The following LNPEP variants were observed in gnomAD, a reference collection of about 807,000 sequenced individuals.
LNPEP encodes the protein leucyl-cystinyl aminopeptidase.
Under a neutral mutation model 120.6 loss-of-function variants are expected in LNPEP, and 64 were observed. The observed-to-expected ratio is 0.53, with a 90% CI of 0.43 to 0.65. The LOEUF is 0.65. Ranked by LOEUF, LNPEP falls within the 30% of genes least tolerant of loss-of-function variation. The pLI, the probability that LNPEP is intolerant of heterozygous loss-of-function variation, is 0.00. For synonymous variants in LNPEP, 435 were observed against 425.4 expected (o/e 1.02, Z -0.28); for missense variants, 1,057 against 1,200.0 (o/e 0.88, Z 1.76).
At chr5:96,969,057 C>G (rs1581992240) in intron 1 of LNPEP, among the ~76,000 whole-genome samples, 1 of 152,108 alleles carries the variant, frequency 6.6e-6, no homozygotes, top group Admixed American at 6.6e-5. Context: ...CAAAATGAGC[C>G]TCAGAATTGT....
At chr5:97,011,731 T>TTATTTAACTG (rs1790933506) in intron 11 of LNPEP, among the ~76,000 whole-genome samples, 1 of 152,230 alleles carries the variant, frequency 6.6e-6, no homozygotes, top group Non-Finnish European at 1.5e-5. Flanking sequence ...GGAATAAACC[T>TTATTTAACTG]TATTTAACTG....
intron 1 of LNPEP, chr5:96,936,378 G>A (rs988753094): frequency 3.7e-5 from 15 of 403,280 alleles, no homozygotes; most frequent in Non-Finnish European, 3.0e-5. Flanking sequence ...ACCCGGGGCT[G>A]GCTTGAAGGT....
At chr5:97,000,789 A>G (rs1182222621) in intron 8 of LNPEP, among the ~76,000 whole-genome samples, 1 of 152,226 alleles carries the variant, frequency 6.6e-6, no homozygotes, top group Non-Finnish European at 1.5e-5. Context: ...CATAGCAGTG[A>G]GTATGACTAT....
intron 11 of LNPEP, chr5:97,011,260 C>G (rs1394373121): frequency 2.2e-6 from 2 of 901,994 alleles, no homozygotes; most frequent in Non-Finnish European, 2.7e-6. Context: ...GGGTCCTGCT[C>G]TGTCACCCAG....
chr5:96,987,801 C>T (rs1020233366), intron 4 of LNPEP, among the ~76,000 whole-genome samples: 1 of 152,188 alleles, frequency 6.6e-6, no homozygotes, highest in African/African-American at 2.4e-5. Flanking sequence ...GATATTATAA[C>T]TGGCTTAAAT....
chr5:96,995,128 A>G, intron 6 of LNPEP, among the ~76,000 whole-genome samples: 1 of 152,172 alleles, frequency 6.6e-6, no homozygotes, highest in Non-Finnish European at 1.5e-5. Flanking sequence ...GGTCATATAG[A>G]TAAGATGTCT....
chr5:97,018,228 C>T (rs2112663051), intron 13 of LNPEP, among the ~76,000 whole-genome samples: 1 of 152,162 alleles, frequency 6.6e-6, no homozygotes, highest in South Asian at 2.1e-4. Context: ...TGAATATACC[C>T]TGTGAGGAGG....
chr5:96,989,324 A>G (rs1482271811), intron 4 of LNPEP, among the ~76,000 whole-genome samples: 2 of 21,516 alleles, frequency 9.3e-5, no homozygotes, highest in African/African-American at 3.5e-4. Flanking sequence ...TATATATAAT[A>G]TATAATTATA....
chr5:96,966,381 T>A (rs1166775326), intron 1 of LNPEP, among the ~76,000 whole-genome samples: 1 of 152,020 alleles, frequency 6.6e-6, no homozygotes, highest in Non-Finnish European at 1.5e-5. Context: ...ATGCCTGTAG[T>A]CCCACCTAGT....
intron 2 of LNPEP, among the ~76,000 whole-genome samples, chr5:96,984,874 T>C (rs186326986): frequency 1.1e-3 from 175 of 152,374 alleles, no homozygotes; most frequent in African/African-American, 3.9e-3. Flanking sequence ...TCCTTCCCTT[T>C]GTTCCCATTG....
At position 96,948,210 on chromosome 5, in the gene LNPEP, C is replaced by T. The variant is rs187673282; in HGVS notation, c.19+12036C>T. On this transcript the variant is annotated intron_variant, in intron 1 of 17. Coordinates refer to ENST00000231368, the MANE Select transcript of LNPEP (RefSeq NM_005575.3). ...TCGGCTCACTGCAACCTCTACCTCC[C>T]GGGTTCCAGTGATTCTCCTGCCTCA... Among the ~76,000 whole-genome samples the T allele has an allele frequency of 4.6e-5, 7 of 152,042 alleles. No individual in the cohort carries two copies. The East Asian group carries it at 5.8e-4, about 13-fold the overall frequency.
chr5:97,024,647 A>C lies in LNPEP; in HGVS notation c.2688A>C (p.Ala896=). The change falls in exon 15 of 18, where the codon GCA becomes GCC. Residue 896 remains alanine (A), a synonymous_variant. Transcript: ENST00000231368. ...SEAEKNKILE[A]LASSEDVRKL... is the part of the protein sequence containing the mutation. ...CAGAGAAGAACAAAATACTAGAAGC[A>C]CTTGCCAGCTCAGAGGATGTGCGGA... is the stretch of plus-strand genomic sequence containing the variant. 1 of 1,614,078 alleles carries C rather than the reference A, an allele frequency of 6.2e-7. No homozygotes were observed. The highest frequency in any genetic ancestry group is 8.5e-7 in the Non-Finnish European group (1 of 1,179,960).
At position 96,998,058 on chromosome 5, in the gene LNPEP, T is replaced by C; in HGVS notation, c.1566T>C (p.Asp522=). 2 of 1,580,936 alleles carry C rather than the reference T, an allele frequency of 1.3e-6. No homozygotes were observed. Among genetic ancestry groups the C allele is most frequent in the Non-Finnish European group, 1.7e-6 (2 of 1,155,138 alleles). ...LDARFKTMKK[D]SLNSSHPISS... is the part of the protein sequence containing the mutation. ...CTCGATTTAAAACCATGAAGAAAGATTCCTTAAATTCATCTCATCCAATAT... is the reference window on the plus strand; with the variant it reads ...CTCGATTTAAAACCATGAAGAAAGACTCCTTAAATTCATCTCATCCAATAT... The change falls in exon 8 of 18, where the codon GAT becomes GAC. Residue 522 remains aspartate (D), a synonymous_variant. Transcript: ENST00000231368.
At chr5:96,970,610 A>ATT (rs140336797) in intron 1 of LNPEP, among the ~76,000 whole-genome samples, 5 of 151,152 alleles carry the variant, frequency 3.3e-5, no homozygotes, top group South Asian at 2.1e-4. Flanking sequence ...TCCTTTATTC[A>ATT]TTTTTTTTGG....
Position 96,957,532 on chromosome 5 carries a change from G to A in LNPEP, c.19+21358G>A, listed in dbSNP as rs1789499002. On this transcript the variant is annotated intron_variant, in intron 1 of 17. Coordinates refer to ENST00000231368, the MANE Select transcript of LNPEP (RefSeq NM_005575.3). ...CTAGTTAGGCCCAGTGTAGTCATAA[G>A]GTTTTTAAAAGTGAGAAAGTGAGGC... Among the ~76,000 whole-genome samples, 10 of 152,218 alleles carry A rather than the reference G, an allele frequency of 6.6e-5. No individual in the cohort carries two copies. The South Asian group carries it at 2.1e-3, about 32-fold the overall frequency.
intron 1 of LNPEP, among the ~76,000 whole-genome samples, chr5:96,962,343 T>C (rs1298380593): frequency 6.6e-6 from 1 of 152,252 alleles, no homozygotes; most frequent in African/African-American, 2.4e-5. Flanking sequence ...TAAACCTCTT[T>C]GTTTCTCACT....
chr5:96,938,046 A>G (rs1788961710), intron 1 of LNPEP, among the ~76,000 whole-genome samples: 1 of 152,254 alleles, frequency 6.6e-6, no homozygotes, highest in East Asian at 1.9e-4. Flanking sequence ...AACAGAAACG[A>G]CAATATCTAC....
chr5:96,962,546 G>A (rs1789629046), intron 1 of LNPEP: 1 of 152,062 alleles, frequency 6.6e-6, no homozygotes, highest in African/African-American at 2.4e-5. Flanking sequence ...AGCAAACTGA[G>A]CTTGGAAAGA....
At chr5:96,974,518 C>G (rs931169329) in intron 1 of LNPEP, among the ~76,000 whole-genome samples, 1 of 152,044 alleles carries the variant, frequency 6.6e-6, no homozygotes, top group African/African-American at 2.4e-5. Flanking sequence ...AAATACATGC[C>G]CAAGTTGTTC....
Sources: gnomAD v4.1 joint callset for allele counts (sites outside exome capture counted in the v4.1 genomes callset) on GRCh38, gnomAD v4.1.1 for gene constraint, MANE v1.5 for transcripts, NCBI Gene and HGNC (gene_info 2026-07-23, HGNC 2026-07-21) for gene names.